MEGF6: variants seen among roughly 807,000 people sequenced by gnomAD.
MEGF6 encodes the protein multiple epidermal growth factor-like domains protein 6.
A neutral mutation model predicts 207.1 loss-of-function variants in MEGF6; 184 were observed. That is an observed-to-expected ratio of 0.89 (90% CI 0.79 to 1.00). The LOEUF (loss-of-function observed/expected upper bound fraction) is 1.00. Among genes scored for constraint, MEGF6 ranks in the 50% least tolerant of loss-of-function variants. The probability of loss-of-function intolerance (pLI) is 0.00; values close to 1 mark genes in which losing one functional copy is unlikely to be tolerated. For synonymous variants in MEGF6, 1,038 were observed against 910.0 expected (o/e 1.14, Z -2.53); for missense variants, 2,282 against 2,202.9 (o/e 1.04, Z -0.72).
Position 3,560,170 on chromosome 1 carries a change from T to A in MEGF6, c.481+19655A>T, listed in dbSNP as rs1364666004. The stretch of plus-strand genomic sequence containing the variant: ...CTTTTAACTAATAGATTTTATTTTT[T>A]AAAGCACTTTTAGGCTTATGGAAAA... On this transcript the variant is annotated intron_variant, in intron 4 of 36. Transcript: ENST00000356575. This position sits in a 1 kb window ranked among gnomAD's most constrained non-coding sequence, Gnocchi z 4.0. 6.6e-6 allele frequency among the ~76,000 whole-genome samples: 1 copy of A among 152,092 alleles called. No homozygotes were observed. The highest frequency in any genetic ancestry group is 1.5e-5 in the Non-Finnish European group (1 of 67,990).
Position 3,570,341 on chromosome 1 carries a change from G to A in MEGF6, c.481+9484C>T, listed in dbSNP as rs558471953. On this transcript the variant is annotated intron_variant, in intron 4 of 36. Coordinates refer to ENST00000356575, the MANE Select transcript of MEGF6 (RefSeq NM_001409.4). The stretch of plus-strand genomic sequence containing the variant: ...CCACTGCAGGCAGAAGGGGCCGCCC[G>A]GCAGGCACTGGCTCCCACGGGGAAG... 7.2e-5 allele frequency among the ~76,000 whole-genome samples: 11 copies of A among 152,220 alleles called. No individual in the cohort carries two copies. In the East Asian group the frequency reaches 1.2e-3, roughly 16 times the overall value.
At chr1:3,495,396 C>T (rs1413920030) in intron 30 of MEGF6, among the ~76,000 whole-genome samples, 2 of 152,172 alleles carry the variant, frequency 1.3e-5, no homozygotes, top group Non-Finnish European at 2.9e-5. Context: ...GAGCACTGGG[C>T]CTGTCTGAGC....
rs957263151 is a variant in MEGF6, at chr1:3,525,139, G to A, written c.482-893C>T. ...GGCCCCCCACACCCACAGGCTCCCC[G>A]TGCAAGGACCCAGAAGGCCACCATA... On this transcript the variant is annotated intron_variant, in intron 4 of 36. Coordinates refer to ENST00000356575, the MANE Select transcript of MEGF6 (RefSeq NM_001409.4). Among the ~76,000 whole-genome samples, 18 of 152,142 alleles carry A rather than the reference G, an allele frequency of 1.2e-4. 1 individual carries two copies. The highest frequency in any genetic ancestry group is 3.9e-4 in the African/African-American group (16 of 41,448).
rs1280885180 is a variant in MEGF6, at chr1:3,508,696, G to A, written c.1529-7C>T. 3 of 1,612,752 alleles carry A rather than the reference G, an allele frequency of 1.9e-6. No individual in the cohort carries two copies. The highest frequency in any genetic ancestry group is 2.2e-5 in the East Asian group (1 of 44,878). On this transcript the variant is annotated splice_polypyrimidine_tract_variant and splice_region_variant and intron_variant, in intron 12 of 36. Transcript: ENST00000356575. ...AAGGAGTCATCCAGGCAGACTGGGGGCAGACCAGGATGGGGGGATTCAGAG... is the reference window on the plus strand; with the variant it reads ...AAGGAGTCATCCAGGCAGACTGGGGACAGACCAGGATGGGGGGATTCAGAG...
chr1:3,584,276 G>A (rs894057229), intron 3 of MEGF6, among the ~76,000 whole-genome samples: 7 of 152,252 alleles, frequency 4.6e-5, no homozygotes, highest in Non-Finnish European at 7.3e-5. Flanking sequence ...CCAGAATCGG[G>A]TTAACTGTGG....
At chr1:3,621,391 C>T in the MEGF6 span, among the ~76,000 whole-genome samples, 2 of 152,220 alleles carry the variant, frequency 1.3e-5, no homozygotes, top group Non-Finnish European at 2.9e-5. Context: ...CTTCTGGTCA[C>T]TTCTCACCAT....
At chr1:3,605,207 C>A (rs765157709) in intron 1 of MEGF6, among the ~76,000 whole-genome samples, 3 of 151,980 alleles carry the variant, frequency 2.0e-5, no homozygotes, top group African/African-American at 7.3e-5. Context: ...CACACACAGT[C>A]ACACACACTT....
At chr1:3,614,515 T>C (rs138535458), upstream of MEGF6, among the ~76,000 whole-genome samples, 1 of 152,354 alleles carries the variant, frequency 6.6e-6, no homozygotes, top group African/African-American at 2.4e-5. Context: ...ATGATCTTTG[T>C]CCATTTTCAT....
chr1:3,600,026 C>G (rs1484814900), intron 2 of MEGF6, among the ~76,000 whole-genome samples: 1 of 152,200 alleles, frequency 6.6e-6, no homozygotes, highest in Non-Finnish European at 1.5e-5. Flanking sequence ...ATGGCACCAG[C>G]TCACCCTTGA....
At chr1:3,590,401 C>A (rs1570212419) in intron 3 of MEGF6, among the ~76,000 whole-genome samples, 1 of 152,332 alleles carries the variant, frequency 6.6e-6, no homozygotes, top group South Asian at 2.1e-4. Flanking sequence ...AGGACACCCC[C>A]CCAGCAAGAG....
In MEGF6 at chr1:3,573,259, G is replaced by A. The variant is rs138190302; in HGVS notation, c.481+6566C>T. Among the ~76,000 whole-genome samples the A allele has an allele frequency of 9.9e-5, 15 of 152,242 alleles. No homozygotes were observed. The highest frequency in any genetic ancestry group is 3.4e-4 in the African/African-American group (14 of 41,546). Reference sequence around the variant, plus strand: ...CCAGGTTTGCTGGGTCCTCCCAGGTGTGCTGGGTCCCCCCGCCAGGTAACC... The same window carrying A: ...CCAGGTTTGCTGGGTCCTCCCAGGTATGCTGGGTCCCCCCGCCAGGTAACC... On this transcript the variant is annotated intron_variant, in intron 4 of 36. Transcript: ENST00000356575. The surrounding 1 kb of genome is among the most constrained non-coding windows in gnomAD (Gnocchi z 5.1).
intron 1 of MEGF6, among the ~76,000 whole-genome samples, chr1:3,605,953 G>T (rs1644244436): frequency 6.6e-6 from 1 of 152,152 alleles, no homozygotes; most frequent in Non-Finnish European, 1.5e-5. Flanking sequence ...GCCCCTTCAT[G>T]AAGATCCCTC....
Position 3,540,965 on chromosome 1 carries a change from A to C in MEGF6, c.482-16719T>G, listed in dbSNP as rs575504389. On this transcript the variant is annotated intron_variant, in intron 4 of 36. Coordinates refer to ENST00000356575, the MANE Select transcript of MEGF6 (RefSeq NM_001409.4). ...GGCATGGGGACTGGGAATGAGTAAG[A>C]AGCCTCTTCCACATCCAGAGAAGCC... Among the ~76,000 whole-genome samples the C allele has an allele frequency of 1.4e-4, 21 of 152,324 alleles. No individual in the cohort carries two copies. In the South Asian group the frequency reaches 4.1e-3, roughly 30 times the overall value.
At chr1:3,518,903 T>A (rs1641640564) in intron 5 of MEGF6, among the ~76,000 whole-genome samples, 1 of 151,974 alleles carries the variant, frequency 6.6e-6, no homozygotes, top group East Asian at 1.9e-4. Flanking sequence ...CCTGCCCCCA[T>A]CCCCTGCCCT....
chr1:3,530,345 GC>G (rs375887321), intron 4 of MEGF6, among the ~76,000 whole-genome samples: 1 of 152,114 alleles, frequency 6.6e-6, no homozygotes, highest in African/African-American at 2.4e-5. Flanking sequence ...CCATTTCAGG[GC>G]CCCCCGCCAG....
At position 3,524,103 on chromosome 1, in the gene MEGF6, G is replaced by C. The variant is rs537004340; in HGVS notation, c.604+21C>G. ...ATGGCTGAAGCCAGGAGCCCAGGCA[G>C]GGTCTCCAGGCGACACTCACCCAGG... On this transcript the variant is annotated intron_variant, in intron 5 of 36. Transcript: ENST00000356575. The C allele has an allele frequency of 3.6e-4, 582 of 1,608,122 alleles. 3 individuals carry two copies. In the South Asian group the frequency reaches 5.1e-3, roughly 14 times the overall value.
At chr1:3,602,347 G>A in intron 2 of MEGF6, 119 bp downstream of exon 2, 7 of 1,431,434 alleles carry the variant, frequency 4.9e-6, no homozygotes, top group Non-Finnish European at 6.6e-6. Context: ...TCAGGCAGGG[G>A]TTGCGTGTGG....
intron 4 of MEGF6, among the ~76,000 whole-genome samples, chr1:3,568,114 C>T (rs1419202328): frequency 6.6e-6 from 1 of 152,194 alleles, no homozygotes; most frequent in East Asian, 1.9e-4. Flanking sequence ...CCCGGAGTCT[C>T]CACAGCTCAG....
intron 36 of MEGF6, 134 bp downstream of exon 36, chr1:3,490,778 C>A: frequency 7.6e-7 from 1 of 1,308,156 alleles, no homozygotes; most frequent in South Asian, 1.3e-5. Context: ...TCTCTGAGCT[C>A]CAGATTCCTG....
Sources: gnomAD v4.1 joint callset for allele counts (sites outside exome capture counted in the v4.1 genomes callset) on GRCh38, gnomAD v4.1.1 for gene constraint, Gnocchi (gnomAD v3.1) non-coding constraint, MANE v1.5 for transcripts, NCBI Gene and HGNC (gene_info 2026-07-23, HGNC 2026-07-21) for gene names.